FMNL1: variants seen among roughly 807,000 people sequenced by gnomAD.
FMNL1 encodes formin like 1.
Under a neutral mutation model 121.3 loss-of-function variants are expected in FMNL1, and 43 were observed. The ratio of observed to expected loss-of-function variants is 0.35; its 90% CI spans 0.28 to 0.46. The LOEUF (loss-of-function observed/expected upper bound fraction) is 0.46, where lower values mean the gene tolerates loss of function less well. Ranked by LOEUF, FMNL1 falls within the 20% of genes least tolerant of loss-of-function variation. The pLI, the probability that FMNL1 is intolerant of heterozygous loss-of-function variation, is 1.00. For missense variants in FMNL1, 1,191 were observed against 1,482.4 expected (o/e 0.80, Z 3.23); for synonymous variants, 613 against 613.5 (o/e 1.00, Z 0.01).
At position 45,233,469 on chromosome 17, in the gene FMNL1, C is replaced by CT. The variant is rs2043483312; in HGVS notation, c.401+173dup. Among the ~76,000 whole-genome samples the CT allele has an allele frequency of 6.6e-6, 1 of 152,098 alleles. No homozygotes were observed. Among genetic ancestry groups the CT allele is most frequent in the East Asian group, 1.9e-4 (1 of 5,186 alleles). On this transcript the variant is annotated intron_variant, in intron 4 of 26. Transcript: ENST00000331495. The surrounding 1 kb of genome is among the most constrained non-coding windows in gnomAD (Gnocchi z 4.1). ...CCTCCCCTTCCTGCCCATGCTCTGA[C>CT]TGGCACCTTGAGGCATGGCTGGGCT...
In FMNL1 at chr17:45,233,731, C is replaced by T. The variant is rs772678322; in HGVS notation, c.485C>T (p.Thr162Met). The T allele has an allele frequency of 4.3e-6, 7 of 1,613,802 alleles. No individual in the cohort carries two copies. The highest frequency in any genetic ancestry group is 2.2e-5 in the South Asian group (2 of 91,094). ...EYLAFAQCSV[T>M]YDMESTDNGA... ...CTGGCCTTTGCCCAGTGCTCTGTCA[C>T]GTAAGCCCCCTGCTCCCAGCCCTCA... The change falls in exon 5 of 27, where the codon ACG becomes ATG. Residue 162 changes from threonine (T) to methionine (M), a missense_variant and splice_region_variant. Transcript: ENST00000331495. This position sits in a 1 kb window ranked among gnomAD's most constrained non-coding sequence, Gnocchi z 4.1.
Position 45,245,383 on chromosome 17 carries a change from G to A in FMNL1, c.2859G>A (p.Met953Ile). 2 of 1,614,182 alleles carry A rather than the reference G, an allele frequency of 1.2e-6. No homozygotes were observed. Among genetic ancestry groups the A allele is most frequent in the African/African-American group, 2.7e-5 (2 of 75,054 alleles). Residue 953 changes from methionine to isoleucine, a missense_variant, in exon 22 of 27, where the codon ATG becomes ATA. By Grantham distance (10) the Met-to-Ile change is conservative. Transcript: ENST00000331495. ...TCCTGAGGGCCAACTCGCCCACCAT[G>A]GACAAGCTGCTGGCAGACAGCAAGA... is the stretch of plus-strand genomic sequence containing the variant. ...KEFLRANSPT[M>I]DKLLADSKTA...
At chr17:45,236,498 C>A in intron 7 of FMNL1, 1 of 370,596 alleles carries the variant, frequency 2.7e-6, no homozygotes, top group South Asian at 4.6e-5. Context: ...CACATAGGGA[C>A]TGGGCTCACC....
Position 45,222,227 on chromosome 17 carries a change from C to T in FMNL1, c.103C>T (p.Leu35=). The T allele has an allele frequency of 8.0e-7, 1 of 1,246,528 alleles. No individual in the cohort carries two copies. Among genetic ancestry groups the T allele is most frequent in the Non-Finnish European group, 1.0e-6 (1 of 990,374 alleles). 77.2% of individuals were successfully genotyped at this position (1,246,528 alleles called of 1,614,324 possible). A position where few individuals can be genotyped will look rare whatever the true frequency, so the allele number is the denominator to read the frequency against. ...PKQPMPAAGE[L]EERFNRALNC... is the part of the protein sequence containing the mutation. The stretch of plus-strand genomic sequence containing the variant: ...GCAGCCGATGCCCGCGGCCGGAGAG[C>T]TGGAGGAGAGGTTCAACCGCGCCCT... Residue 35 remains leucine (L), a synonymous_variant, in exon 1 of 27, where the codon CTG becomes TTG. Coordinates refer to ENST00000331495, the MANE Select transcript of FMNL1 (RefSeq NM_005892.4).
rs2043685924 is a variant in FMNL1 at position 45,241,303 on chromosome 17, C to T, written c.1332+73C>T. The T allele has an allele frequency of 8.7e-6, 14 of 1,606,270 alleles. No individual in the cohort carries two copies. The highest frequency in any genetic ancestry group is 1.0e-5 in the Non-Finnish European group (12 of 1,176,184). On this transcript the variant is annotated intron_variant, in intron 13 of 26. Coordinates refer to ENST00000331495, the MANE Select transcript of FMNL1 (RefSeq NM_005892.4). This position sits in a 1 kb window ranked among gnomAD's most constrained non-coding sequence, Gnocchi z 7.0. ...TGAGGCTTCTAGGCTTGACATCTCC[C>T]TCCACCCCGGGAAGAAGATGGAGGC...
rs748112782 is a variant in FMNL1, at chr17:45,241,256, A to G, written c.1332+26A>G. ...GTGAGGCTGGGGCGGGTGGTAGGCC[A>G]GGCGCCCAAGAACAGGCCAGCTGAG... On this transcript the variant is annotated intron_variant, in intron 13 of 26. Coordinates refer to ENST00000331495, the MANE Select transcript of FMNL1 (RefSeq NM_005892.4). This position sits in a 1 kb window ranked among gnomAD's most constrained non-coding sequence, Gnocchi z 7.0. 14 of 1,613,798 alleles carry G rather than the reference A, an allele frequency of 8.7e-6. No homozygotes were observed. Among genetic ancestry groups the G allele is most frequent in the Non-Finnish European group, 1.2e-5 (14 of 1,179,920 alleles).
At position 45,242,067 on chromosome 17, in the gene FMNL1, T is replaced by G. The variant is rs1290702799; in HGVS notation, c.1806T>G (p.Pro602=). The change falls in exon 15 of 27, where the codon CCT becomes CCG. Residue 602 remains proline (P), a synonymous_variant. Coordinates refer to ENST00000331495, the MANE Select transcript of FMNL1 (RefSeq NM_005892.4). ...CTCCGGGCACTGACGGGCCGGTGCCTCCGCCGCCGCCGCCGCCGCCGCCGC... is the reference window on the plus strand; with the variant it reads ...CTCCGGGCACTGACGGGCCGGTGCCGCCGCCGCCGCCGCCGCCGCCGCCGC... ...PPPPGTDGPV[P]PPPPPPPPPP... 26 of 1,461,754 alleles carry G rather than the reference T, an allele frequency of 1.8e-5. No homozygotes were observed. The highest frequency in any genetic ancestry group is 2.8e-5 in the East Asian group (1 of 35,238). The allele number at this position is 1,461,754 out of a possible 1,614,324, so 90.5% of individuals were successfully genotyped here.
chr17:45,225,996 T>C (rs2043321403), intron 1 of FMNL1, among the ~76,000 whole-genome samples: 1 of 152,074 alleles, frequency 6.6e-6, no homozygotes, highest in Non-Finnish European at 1.5e-5. Context: ...TCTGGTCCTC[T>C]CCATCTCAGG....
rs576255101 is a variant in FMNL1, at chr17:45,246,932, G to A, written c.*74G>A. On this transcript the variant is annotated 3_prime_UTR_variant, in exon 27 of 27. Transcript: ENST00000331495. ...CCGCAGTGCCCGTCGGCGTCCCCCG[G>A]GCCCCCCACTGCAGGTCACCTCCGA... is the stretch of plus-strand genomic sequence containing the variant. 109 of 758,094 alleles carry A rather than the reference G, an allele frequency of 1.4e-4. No homozygotes were observed. In the African/African-American group the frequency reaches 1.5e-3, roughly 10 times the overall value. 47.0% of individuals were successfully genotyped at this position (758,094 alleles called of 1,614,324 possible).
intron 1 of FMNL1, among the ~76,000 whole-genome samples, chr17:45,227,538 C>T (rs1026501375): frequency 6.6e-6 from 1 of 152,142 alleles, no homozygotes; most frequent in African/African-American, 2.4e-5. Context: ...CTCATCTGGC[C>T]CAAAGCACTA....
rs7209538 is a variant in FMNL1 at position 45,234,096 on chromosome 17, C to G, written c.510C>G (p.Asn170Lys). 1.2e-6 allele frequency: 2 copies of G among 1,614,086 alleles called. No individual in the cohort carries two copies. Among genetic ancestry groups the G allele is most frequent in the Admixed American group, 3.3e-5 (2 of 60,018 alleles). Residue 170 changes from asparagine (N) to lysine (K), a missense_variant, in exon 6 of 27, where the codon AAC becomes AAG. Asn to Lys is a moderately conservative substitution (Grantham distance 94). Around this residue, in one of 4 missense-constraint regions of FMNL1, gnomAD observed 253 missense variants for 417.5 expected, o/e 0.61. Coordinates refer to ENST00000331495, the MANE Select transcript of FMNL1 (RefSeq NM_005892.4). ...GGTATGACATGGAGAGCACAGACAACGGGGCTTCCAACTCAGAGAAAAACA... is the reference window on the plus strand; with the variant it reads ...GGTATGACATGGAGAGCACAGACAAGGGGGCTTCCAACTCAGAGAAAAACA... ...SVTYDMESTDNGASNSEKNKP... is the reference protein window; with the variant it reads ...SVTYDMESTDKGASNSEKNKP...
chr17:45,243,952 C>T lies in FMNL1; in HGVS notation c.2375C>T (p.Pro792Leu), dbSNP rs770575234. Residue 792 changes from proline to leucine, a missense_variant, in exon 18 of 27, where the codon CCG becomes CTG. This residue lies in a region of FMNL1 where 367 missense variants were observed against 528.6 expected (regional missense o/e 0.69). Transcript: ENST00000331495. Reference sequence around the variant, plus strand: ...TTCATGCTATGCTTCAGCCGCATCCCGCGCCTGCCGGAGCGCATGACCACA... The same window carrying T: ...TTCATGCTATGCTTCAGCCGCATCCTGCGCCTGCCGGAGCGCATGACCACA... ...DRFMLCFSRI[P>L]RLPERMTTLT... 7 of 1,613,538 alleles carry T rather than the reference C, an allele frequency of 4.3e-6. No homozygotes were observed. The highest frequency in any genetic ancestry group is 3.3e-5 in the South Asian group (3 of 91,092).
chr17:45,242,004 C>T lies in FMNL1; in HGVS notation c.1743C>T (p.Pro581=). The T allele has an allele frequency of 7.6e-7, 1 of 1,322,884 alleles. No homozygotes were observed. The allele number at this position is 1,322,884 out of a possible 1,614,324, so 81.9% of individuals were successfully genotyped here. The part of the protein sequence containing the change: ...SPEPPPAPPL[P]GDLPPPPPPP... Reference sequence around the variant, plus strand: ...AGCCCCCGCCTGCGCCGCCGCTGCCCGGAGACCTGCCGCCCCCACCCCCGC... The same window carrying T: ...AGCCCCCGCCTGCGCCGCCGCTGCCTGGAGACCTGCCGCCCCCACCCCCGC... The change falls in exon 15 of 27, where the codon CCC becomes CCT. Residue 581 remains proline (P), a synonymous_variant. Transcript: ENST00000331495.
At position 45,246,955 on chromosome 17, in the gene FMNL1, C is replaced by T. The variant is rs775966160; in HGVS notation, c.*97C>T. The stretch of plus-strand genomic sequence containing the variant: ...CGGGCCCCCCACTGCAGGTCACCTC[C>T]GACCTCTCGCTGTAGCCGCTATTTC... On this transcript the variant is annotated 3_prime_UTR_variant, in exon 27 of 27. Transcript: ENST00000331495. 1.3e-6 allele frequency: 1 copy of T among 751,188 alleles called. No individual in the cohort carries two copies. 46.5% of individuals were successfully genotyped at this position (751,188 alleles called of 1,614,324 possible).
At chr17:45,222,947 CG>C (rs2043260491) in intron 1 of FMNL1, among the ~76,000 whole-genome samples, 2 of 152,204 alleles carry the variant, frequency 1.3e-5, no homozygotes, top group East Asian at 1.9e-4. Context: ...GGAATTGGAG[CG>C]GGGTCGCTGG....
chr17:45,246,761 G>T, intron 26 of FMNL1, 106 bp from the exon 27 acceptor site: 1 of 755,134 alleles, frequency 1.3e-6, no homozygotes, highest in Middle Eastern at 2.3e-4. Flanking sequence ...CCCCTGCCAT[G>T]TGCACACAAT....
At position 45,245,901 on chromosome 17, in the gene FMNL1, G is replaced by A; in HGVS notation, c.3018G>A (p.Gln1006=). The stretch of plus-strand genomic sequence containing the variant: ...AGAAAGCTGAGCAGGAGGTGGAACA[G>A]TGGAAAAAAGAAGCCGCTGCCCAGG... The part of the protein sequence containing the change: ...AYKKAEQEVE[Q]WKKEAAAQEA... Residue 1006 remains glutamine, a synonymous_variant, in exon 24 of 27, where the codon CAG becomes CAA. Coordinates refer to ENST00000331495, the MANE Select transcript of FMNL1 (RefSeq NM_005892.4). 2 of 1,593,088 alleles carry A rather than the reference G, an allele frequency of 1.3e-6. No individual in the cohort carries two copies. The highest frequency in any genetic ancestry group is 1.7e-6 in the Non-Finnish European group (2 of 1,172,760).
rs372669041 is a variant in FMNL1 at position 45,242,067 on chromosome 17, TCCGCCGCCGCCGCCG to T, written c.1818_1832del (p.Pro608_Pro612del). 2.1e-6 allele frequency: 3 copies of T among 1,461,632 alleles called. No homozygotes were observed. The highest frequency in any genetic ancestry group is 1.4e-5 in the African/African-American group (1 of 68,990). The allele number at this position is 1,461,632 out of a possible 1,614,324, so 90.5% of individuals were successfully genotyped here. A position where few individuals can be genotyped will look rare whatever the true frequency, so the allele number is the denominator to read the frequency against. The stretch of plus-strand genomic sequence containing the variant: ...CTCCGGGCACTGACGGGCCGGTGCC[TCCGCCGCCGCCGCCG>T]CCGCCGCCGCCTCCCGGAGGTCCTC... On this transcript the variant is annotated inframe_deletion, in exon 15 of 27. Transcript: ENST00000331495.
At chr17:45,235,077 A>G (rs556584797) in intron 6 of FMNL1, among the ~76,000 whole-genome samples, 7 of 152,276 alleles carry the variant, frequency 4.6e-5, no homozygotes, top group Non-Finnish European at 8.8e-5. Context: ...TTGATTGCAT[A>G]TTAAGCCTCA....
Sources: gnomAD v4.1 joint callset for allele counts (sites outside exome capture counted in the v4.1 genomes callset) on GRCh38, gnomAD v4.1.1 for gene constraint, gnomAD v4.1.1 regional missense constraint, Gnocchi (gnomAD v3.1) non-coding constraint, MANE v1.5 for transcripts, NCBI Gene and HGNC (gene_info 2026-07-23, HGNC 2026-07-21) for gene names.